NRXN3: variants seen among roughly 807,000 people sequenced by gnomAD.
NRXN3 encodes the protein neurexin 3.
In NRXN3, 32 loss-of-function variants were observed where a neutral mutation model predicts 137.6. The ratio of observed to expected loss-of-function variants is 0.23; its 90% CI spans 0.18 to 0.31. The LOEUF is 0.31. Ranked by LOEUF, NRXN3 falls within the 10% of genes least tolerant of loss-of-function variation. NRXN3 has a pLI of 1.00. For synonymous variants in NRXN3, 798 were observed against 784.5 expected (o/e 1.02, Z -0.29); for missense variants, 1,574 against 2,062.5 (o/e 0.76, Z 4.59).
At chr14:78,842,499 G>A (rs2099015357) in intron 10 of NRXN3, among the ~76,000 whole-genome samples, 1 of 152,090 alleles carries the variant, frequency 6.6e-6, no homozygotes, top group Non-Finnish European at 1.5e-5. Context: ...TGGAGGCAGG[G>A]CGAGATCACA....
chr14:78,893,231 C>T (rs1323848229), intron 10 of NRXN3, among the ~76,000 whole-genome samples: 1 of 151,986 alleles, frequency 6.6e-6, no homozygotes, highest in Non-Finnish European at 1.5e-5. Flanking sequence ...TTCATTGTGC[C>T]TCCCTTTGTT....
At chr14:79,711,841 AATGATGG>A (rs1193596160) in intron 19 of NRXN3, among the ~76,000 whole-genome samples, 3 of 152,156 alleles carry the variant, frequency 2.0e-5, no homozygotes, top group African/African-American at 7.2e-5. Context: ...ATATCCAATT[AATGATGG>A]ATGATGGAGC....
chr14:79,651,304 T>C (rs1042349844), intron 16 of NRXN3, among the ~76,000 whole-genome samples: 1 of 152,154 alleles, frequency 6.6e-6, no homozygotes, highest in Non-Finnish European at 1.5e-5. Context: ...AGTGGTACTC[T>C]ACATTTTCAA....
chr14:79,429,084 A>G (rs2095703530), intron 15 of NRXN3, among the ~76,000 whole-genome samples: 1 of 152,144 alleles, frequency 6.6e-6, no homozygotes, highest in Non-Finnish European at 1.5e-5. Context: ...CCTCTGGTGA[A>G]TTTAATACCA....
intron 19 of NRXN3, among the ~76,000 whole-genome samples, chr14:79,700,343 A>G (rs1257181929): frequency 6.6e-6 from 1 of 152,034 alleles, no homozygotes; most frequent in Non-Finnish European, 1.5e-5. Context: ...GGTAGGGAAG[A>G]CTGGATTTCA....
chr14:79,707,443 G>A (rs375101871), intron 19 of NRXN3, among the ~76,000 whole-genome samples: 32 of 152,074 alleles, frequency 2.1e-4, no homozygotes, highest in Non-Finnish European at 3.7e-4. Flanking sequence ...ATGACTCTAG[G>A]CAGACCTTCA....
At chr14:78,511,275 G>T (rs1023805827) in intron 4 of NRXN3, among the ~76,000 whole-genome samples, 1 of 152,172 alleles carries the variant, frequency 6.6e-6, no homozygotes, top group African/African-American at 2.4e-5. Context: ...CATAACCTTT[G>T]TGTCATGATT....
intron 10 of NRXN3, among the ~76,000 whole-genome samples, chr14:78,832,799 G>A (rs938241929): frequency 1.3e-5 from 2 of 152,142 alleles, no homozygotes; most frequent in African/African-American, 4.8e-5. Flanking sequence ...CTGTGACTCA[G>A]TGATTTTGGT....
chr14:79,276,102 A>C (rs2080241848), intron 15 of NRXN3, among the ~76,000 whole-genome samples: 1 of 152,212 alleles, frequency 6.6e-6, no homozygotes, highest in African/African-American at 2.4e-5. Flanking sequence ...TGATGGTAGG[A>C]CAAGGGATGA....
intron 16 of NRXN3, among the ~76,000 whole-genome samples, chr14:79,525,992 T>C (rs61274136): frequency 0.068 from 10,392 of 152,112 alleles, 792 homozygotes; most frequent in African/African-American, 0.18. Flanking sequence ...AGGGATCCTC[T>C]CAACTCCGCC....
At chr14:79,341,431 G>C (rs1437309703) in intron 15 of NRXN3, among the ~76,000 whole-genome samples, 1 of 152,116 alleles carries the variant, frequency 6.6e-6, no homozygotes, top group Non-Finnish European at 1.5e-5. Flanking sequence ...AGCAGCAGTA[G>C]CAGCACCTAC....
intron 16 of NRXN3, among the ~76,000 whole-genome samples, chr14:79,596,654 T>G (rs1383920943): frequency 6.6e-6 from 1 of 152,136 alleles, no homozygotes; most frequent in Admixed American, 6.5e-5. Flanking sequence ...TTGGAATGTT[T>G]CTGTGTGGGG....
At chr14:78,584,840 C>G (rs2097045325) in intron 4 of NRXN3, among the ~76,000 whole-genome samples, 1 of 152,208 alleles carries the variant, frequency 6.6e-6, no homozygotes, top group Admixed American at 6.5e-5. Flanking sequence ...CACTCTACCT[C>G]TGTACCTCTG....
intron 15 of NRXN3, among the ~76,000 whole-genome samples, chr14:79,017,786 C>T (rs985552345): frequency 5.9e-5 from 9 of 152,080 alleles, no homozygotes; most frequent in Non-Finnish European, 1.2e-4. Context: ...ACAGAAGCAC[C>T]TGAAACCCAG....
intron 3 of NRXN3, among the ~76,000 whole-genome samples, chr14:78,294,380 C>T (rs1352305120): frequency 1.3e-5 from 2 of 151,926 alleles, no homozygotes; most frequent in Non-Finnish European, 2.9e-5. Flanking sequence ...CATGGCAAAA[C>T]CCCGTCTCTG....
At chr14:79,757,396 A>G (rs1244637423) in intron 19 of NRXN3, among the ~76,000 whole-genome samples, 1 of 152,138 alleles carries the variant, frequency 6.6e-6, no homozygotes, top group African/African-American at 2.4e-5. Context: ...GAAAAGCCCA[A>G]ACAGAAGCAG....
intron 6 of NRXN3, among the ~76,000 whole-genome samples, chr14:78,669,428 C>T (rs933053899): frequency 6.6e-6 from 1 of 152,068 alleles, no homozygotes; most frequent in Non-Finnish European, 1.5e-5. Context: ...ATGGCTACTC[C>T]GTAGGCAGAG....
chr14:79,408,363 C>G (rs1177074193), intron 15 of NRXN3, among the ~76,000 whole-genome samples: 1 of 152,076 alleles, frequency 6.6e-6, no homozygotes, highest in Non-Finnish European at 1.5e-5. Context: ...GCCCAACTAA[C>G]TGAATTCTTT....
chr14:79,317,648 T>A (rs1437245771), intron 15 of NRXN3, among the ~76,000 whole-genome samples: 5 of 152,078 alleles, frequency 3.3e-5, no homozygotes, highest in Admixed American at 3.3e-4. Flanking sequence ...GCAACCGAAT[T>A]GTATTGTTCT....
Sources: gnomAD v4.1 joint callset for allele counts (sites outside exome capture counted in the v4.1 genomes callset) on GRCh38, gnomAD v4.1.1 for gene constraint, MANE v1.5 for transcripts, NCBI Gene and HGNC (gene_info 2026-07-23, HGNC 2026-07-21) for gene names.